The following AMPH variants were observed in gnomAD, a reference collection of about 807,000 sequenced individuals.
AMPH encodes the protein amphiphysin (Stiff-Mann syndrome with breast cancer 128kD autoantigen).
A neutral mutation model predicts 99.1 loss-of-function variants in AMPH; 49 were observed. The observed-to-expected ratio is 0.49, with a 90% confidence interval of 0.39 to 0.63. The LOEUF (loss-of-function observed/expected upper bound fraction) is 0.63. Ranked by LOEUF, AMPH falls within the 20% of genes least tolerant of loss-of-function variation. AMPH has a pLI of 0.00. For missense variants in AMPH, 759 were observed against 863.4 expected (o/e 0.88, Z 1.52); for synonymous variants, 314 against 317.3 (o/e 0.99, Z 0.11).
intron 1 of AMPH, among the ~76,000 whole-genome samples, chr7:38,541,693 T>C (rs1193453517): frequency 6.6e-6 from 1 of 152,244 alleles, no homozygotes; most frequent in Non-Finnish European, 1.5e-5. Context: ...TCACAGCCTC[T>C]GTCCCATTTG....
At chr7:38,567,734 A>G (rs541169783) in intron 1 of AMPH, among the ~76,000 whole-genome samples, 19 of 152,292 alleles carry the variant, frequency 1.2e-4, no homozygotes, top group African/African-American at 3.8e-4. Flanking sequence ...TGCACTATTC[A>G]GAAAAGCTCA....
chr7:38,393,546 G>A (rs560091125), intron 18 of AMPH, among the ~76,000 whole-genome samples: 1 of 152,296 alleles, frequency 6.6e-6, no homozygotes, highest in African/African-American at 2.4e-5. Flanking sequence ...CCCAGTGGTG[G>A]GCTCTTGGTA....
intron 11 of AMPH, among the ~76,000 whole-genome samples, chr7:38,438,073 G>A (rs962867861): frequency 6.6e-6 from 1 of 152,088 alleles, no homozygotes; most frequent in Non-Finnish European, 1.5e-5. Flanking sequence ...CATAAGCTTT[G>A]TTTTTCCCCA....
chr7:38,430,442 C>G (rs1030642421), intron 13 of AMPH, among the ~76,000 whole-genome samples: 4 of 152,186 alleles, frequency 2.6e-5, no homozygotes, highest in African/African-American at 9.7e-5. Flanking sequence ...AGATTAATAG[C>G]TGTGAGCAAC....
intron 1 of AMPH, among the ~76,000 whole-genome samples, chr7:38,607,290 A>G (rs1011721271): frequency 6.6e-6 from 1 of 152,232 alleles, no homozygotes; most frequent in African/African-American, 2.4e-5. Context: ...TCCACCCAAT[A>G]TGAAAGCAAC....
intron 11 of AMPH, among the ~76,000 whole-genome samples, chr7:38,453,161 A>G (rs981958124): frequency 6.6e-5 from 10 of 152,182 alleles, no homozygotes; most frequent in African/African-American, 2.2e-4. Flanking sequence ...ACTCCTCCCC[A>G]GATTAGAAGA....
intron 15 of AMPH, 152 bp from the exon 16 acceptor site, chr7:38,422,629 C>T (rs575493780): frequency 1.5e-6 from 1 of 664,130 alleles, no homozygotes; most frequent in East Asian, 2.9e-5. Context: ...CTCTATCTAT[C>T]TAATTTTTTT....
intron 1 of AMPH, among the ~76,000 whole-genome samples, chr7:38,608,794 G>A (rs1039134431): frequency 8.5e-5 from 13 of 152,126 alleles, no homozygotes; most frequent in African/African-American, 2.4e-4. Context: ...ATCAGCAATC[G>A]AAATTATGCA....
At chr7:38,610,911 G>T (rs896013412) in intron 1 of AMPH, among the ~76,000 whole-genome samples, 11 of 152,090 alleles carry the variant, frequency 7.2e-5, no homozygotes, top group Non-Finnish European at 1.6e-4. Context: ...GAAGTGAATG[G>T]TACCCAGACA....
chr7:38,440,240 A>C (rs1786453116), intron 11 of AMPH, among the ~76,000 whole-genome samples: 2 of 152,212 alleles, frequency 1.3e-5, no homozygotes, highest in Admixed American at 1.3e-4. Flanking sequence ...TAGATTTCTC[A>C]CCAGAAATAA....
chr7:38,575,465 C>A (rs899969456), intron 1 of AMPH, among the ~76,000 whole-genome samples: 1 of 152,062 alleles, frequency 6.6e-6, no homozygotes, highest in South Asian at 2.1e-4. Flanking sequence ...GGGGAGGGAC[C>A]ACATGGGAGG....
chr7:38,420,801 A>G (rs1185887665), intron 16 of AMPH: 2 of 351,366 alleles, frequency 5.7e-6, no homozygotes, highest in South Asian at 2.2e-5. Flanking sequence ...CTGAGCCCCG[A>G]GCAAGAGTTA....
chr7:38,410,300 G>A (rs1442330732), intron 17 of AMPH, among the ~76,000 whole-genome samples: 2 of 152,126 alleles, frequency 1.3e-5, no homozygotes, highest in African/African-American at 4.8e-5. Flanking sequence ...ACACTTTGTT[G>A]GCAAAACTCC....
chr7:38,384,474 C>A lies in AMPH; in HGVS notation c.*344G>T. On this transcript the variant is annotated 3_prime_UTR_variant, in exon 21 of 21. Coordinates refer to ENST00000356264, the MANE Select transcript of AMPH (RefSeq NM_001635.4). ...ATTCATCACATCTTCTGCAGGGCAG[C>A]CACTCAATACGATACACCTGATGCA... 1 of 192,510 alleles carries A rather than the reference C, an allele frequency of 5.2e-6. No homozygotes were observed. The highest frequency in any genetic ancestry group is 1.3e-4 in the South Asian group (1 of 7,836). 11.9% of individuals were successfully genotyped at this position (192,510 alleles called of 1,614,324 possible).
At position 38,432,189 on chromosome 7, in the gene AMPH, C is replaced by T. The variant is rs754663057; in HGVS notation, c.1158G>A (p.Thr386=). The T allele has an allele frequency of 2.5e-6, 4 of 1,612,070 alleles. No homozygotes were observed. The highest frequency in any genetic ancestry group is 8.5e-7 in the Non-Finnish European group (1 of 1,178,192). ...MSQTLPWDLW[T]TSTDLVQPAS... ...AAAAACAGAGTTATTAGTGGCTTAC[C>T]GTCCATAGGTCCCAGGGCAATGTCT... The change falls in exon 13 of 21, where the codon ACG becomes ACA. Residue 386 remains threonine (T), a splice_region_variant and synonymous_variant. Transcript: ENST00000356264.
intron 1 of AMPH, among the ~76,000 whole-genome samples, chr7:38,565,655 G>T (rs1330607507): frequency 6.8e-6 from 1 of 146,522 alleles, no homozygotes; most frequent in Non-Finnish European, 1.5e-5. Flanking sequence ...AGGTGCTAGG[G>T]GTTAGGGTTT....
intron 7 of AMPH, among the ~76,000 whole-genome samples, chr7:38,474,334 T>A (rs1028356257): frequency 6.6e-6 from 1 of 152,086 alleles, no homozygotes; most frequent in Non-Finnish European, 1.5e-5. Flanking sequence ...AGATGAACAA[T>A]GACATAATTT....
chr7:38,479,763 G>C (rs919845677), intron 5 of AMPH, among the ~76,000 whole-genome samples: 2 of 151,882 alleles, frequency 1.3e-5, no homozygotes, highest in Non-Finnish European at 2.9e-5. Flanking sequence ...TAATAAAGAA[G>C]TATCTACGTG....
intron 1 of AMPH, among the ~76,000 whole-genome samples, chr7:38,593,645 A>C (rs549064667): frequency 6.6e-6 from 1 of 152,172 alleles, no homozygotes; most frequent in Admixed American, 6.5e-5. Context: ...GCTTTGATTC[A>C]CTTTCATTCG....
Sources: allele counts gnomAD v4.1 joint callset (sites outside exome capture counted in the v4.1 genomes callset), GRCh38; gene constraint gnomAD v4.1.1; transcripts MANE v1.5; gene names NCBI Gene and HGNC (gene_info 2026-07-23, HGNC 2026-07-21).